GULP1: variants seen among roughly 807,000 people sequenced by gnomAD.
GULP1 encodes GULP PTB domain containing engulfment adaptor 1, also known as PTB domain-containing engulfment adapter protein 1.
A neutral mutation model predicts 40.9 loss-of-function variants in GULP1; 19 were observed. The ratio of observed to expected loss-of-function variants is 0.46; its 90% CI spans 0.32 to 0.68. GULP1 has a LOEUF of 0.68. GULP1 is among the 30% of genes least tolerant of loss of function. GULP1 has a pLI of 0.03. For missense variants in GULP1, 312 were observed against 362.2 expected (o/e 0.86, Z 1.12); for synonymous variants, 119 against 117.6 (o/e 1.01, Z -0.08).
intron 1 of GULP1, among the ~76,000 whole-genome samples, chr2:188,306,534 A>G (rs897662302): frequency 2.0e-5 from 3 of 152,154 alleles, no homozygotes; most frequent in African/African-American, 4.8e-5. Context: ...GTAGAAAGCA[A>G]TGAGAGTGTG....
At chr2:188,477,608 G>T (rs2061117351) in intron 2 of GULP1, 51 bp from the exon 3 acceptor site, 18 of 868,144 alleles carry the variant, frequency 2.1e-5, no homozygotes, top group Non-Finnish European at 3.3e-5. Flanking sequence ...GCAAAAGAGA[G>T]GTCAGTCAAC....
intron 2 of GULP1, among the ~76,000 whole-genome samples, chr2:188,417,629 GAA>G (rs1220692529): frequency 6.6e-6 from 1 of 152,102 alleles, no homozygotes; most frequent in East Asian, 1.9e-4. Context: ...TAATTTTAAT[GAA>G]AATTTGGCTC....
chr2:188,583,915 GT>G (rs1553605373), intron 9 of GULP1, among the ~76,000 whole-genome samples: 4 of 152,092 alleles, frequency 2.6e-5, no homozygotes, highest in African/African-American at 4.8e-5. Flanking sequence ...TACATGAATA[GT>G]TTCTAATATA....
rs1226908877 is a variant in GULP1 at position 188,396,653 on chromosome 2, G to C, written c.-45+12764G>C. 2.0e-5 allele frequency among the ~76,000 whole-genome samples: 3 copies of C among 152,188 alleles called. No individual in the cohort carries two copies. In the East Asian group the frequency reaches 5.8e-4, roughly 29 times the overall value. ...CGTCCCAGTCTGCCGGCAAAGCTGG[G>C]ACGTCCAGCTCCTGTATTCATGGCT... On this transcript the variant is annotated intron_variant, in intron 2 of 11. Coordinates refer to ENST00000409830, the MANE Select transcript of GULP1 (RefSeq NM_016315.4).
chr2:188,449,249 C>A (rs2058642463), intron 2 of GULP1, among the ~76,000 whole-genome samples: 1 of 152,136 alleles, frequency 6.6e-6, no homozygotes, highest in Admixed American at 6.5e-5. Flanking sequence ...ATATGTTAGT[C>A]CTATAGTAAT....
intron 2 of GULP1, among the ~76,000 whole-genome samples, chr2:188,418,113 C>G (rs2054838921): frequency 6.6e-6 from 1 of 151,914 alleles, no homozygotes; most frequent in South Asian, 2.1e-4. Context: ...CACATACAGT[C>G]TGTTTTTATT....
chr2:188,362,740 A>G (rs988490621), intron 1 of GULP1, among the ~76,000 whole-genome samples: 2 of 152,084 alleles, frequency 1.3e-5, no homozygotes, highest in African/African-American at 4.8e-5. Context: ...TTATGGGTGT[A>G]GATCCTTTCC....
intron 1 of GULP1, among the ~76,000 whole-genome samples, chr2:188,332,490 A>G (rs979489819): frequency 6.6e-6 from 1 of 152,106 alleles, no homozygotes; most frequent in African/African-American, 2.4e-5. Context: ...GCCAAATCTC[A>G]TTTATTCTTT....
intron 6 of GULP1, among the ~76,000 whole-genome samples, chr2:188,539,472 C>A (rs968265161): frequency 3.2e-4 from 49 of 152,010 alleles, no homozygotes; most frequent in African/African-American, 1.2e-3. Context: ...CAAATATGAT[C>A]ATTGTCCATC....
chr2:188,577,847 A>G (rs1354208738), intron 9 of GULP1, among the ~76,000 whole-genome samples: 2 of 152,106 alleles, frequency 1.3e-5, no homozygotes, highest in Non-Finnish European at 2.9e-5. Context: ...ATAACAATGA[A>G]CTTTAAAAGT....
intron 7 of GULP1, among the ~76,000 whole-genome samples, chr2:188,561,350 A>G (rs910472436): frequency 6.6e-6 from 1 of 152,172 alleles, no homozygotes; most frequent in Non-Finnish European, 1.5e-5. Context: ...GGTATGGGTT[A>G]TGGTAGTATC....
intron 2 of GULP1, among the ~76,000 whole-genome samples, chr2:188,433,550 G>T (rs974806832): frequency 3.9e-5 from 6 of 152,074 alleles, no homozygotes; most frequent in African/African-American, 1.4e-4. Flanking sequence ...AACCAAGTGG[G>T]AGATCCAGGG....
intron 1 of GULP1, among the ~76,000 whole-genome samples, chr2:188,329,653 T>G (rs980156879): frequency 3.3e-5 from 5 of 152,250 alleles, no homozygotes; most frequent in Non-Finnish European, 7.4e-5. Context: ...GAGGTGATGA[T>G]AAGCTTATAA....
intron 4 of GULP1, among the ~76,000 whole-genome samples, chr2:188,484,308 T>A (rs1390773825): frequency 6.6e-6 from 1 of 152,204 alleles, no homozygotes; most frequent in Admixed American, 6.6e-5. Context: ...ATCTACGCTC[T>A]GTGTCTTTAA....
chr2:188,364,919 T>C (rs1487532996), intron 1 of GULP1, among the ~76,000 whole-genome samples: 16 of 142,150 alleles, frequency 1.1e-4, no homozygotes, highest in Admixed American at 2.1e-4. Context: ...CACACACACA[T>C]ATATATGTGT....
chr2:188,432,298 A>G (rs896575809), intron 2 of GULP1, among the ~76,000 whole-genome samples: 5 of 151,716 alleles, frequency 3.3e-5, no homozygotes, highest in Non-Finnish European at 7.4e-5. Context: ...TGAAACATTT[A>G]CCTAATTAAT....
chr2:188,587,372 C>G (rs1010690443), intron 10 of GULP1, among the ~76,000 whole-genome samples: 5 of 151,972 alleles, frequency 3.3e-5, no homozygotes, highest in African/African-American at 1.2e-4. Flanking sequence ...AAAATTTTCT[C>G]TGAATAAAAG....
chr2:188,494,984 A>G (rs1158648840), intron 4 of GULP1, among the ~76,000 whole-genome samples: 3 of 152,020 alleles, frequency 2.0e-5, no homozygotes, highest in Non-Finnish European at 2.9e-5. Flanking sequence ...TCACTGACTC[A>G]AGGGTTTTTG....
chr2:188,574,283 A>G (rs1264187077), intron 9 of GULP1, among the ~76,000 whole-genome samples: 1 of 152,136 alleles, frequency 6.6e-6, no homozygotes, highest in Non-Finnish European at 1.5e-5. Context: ...TTTATGATGA[A>G]GTAGAAGATG....
Sources: allele counts gnomAD v4.1 joint callset (sites outside exome capture counted in the v4.1 genomes callset), GRCh38; gene constraint gnomAD v4.1.1; transcripts MANE v1.5; gene names NCBI Gene and HGNC (gene_info 2026-07-23, HGNC 2026-07-21).